Variants in CAMK1D observed in about 807,000 individuals in gnomAD.
The protein encoded by CAMK1D is calcium/calmodulin dependent protein kinase ID, also known as calcium/calmodulin-dependent protein kinase type 1D.
A neutral mutation model predicts 47.7 loss-of-function variants in CAMK1D; 9 were observed. The observed-to-expected ratio is 0.19, with a 90% confidence interval of 0.11 to 0.33. The LOEUF (loss-of-function observed/expected upper bound fraction) is 0.33, where lower values mean the gene tolerates loss of function less well. CAMK1D is among the 10% of genes least tolerant of loss of function. CAMK1D has a pLI of 1.00. For missense variants in CAMK1D, 291 were observed against 488.7 expected (o/e 0.60, Z 3.81); for synonymous variants, 184 against 184.9 (o/e 0.99, Z 0.04).
At position 12,782,093 on chromosome 10, in the gene CAMK1D, G is replaced by T. The variant is rs111353167; in HGVS notation, c.566-9065G>T. On this transcript the variant is annotated intron_variant, in intron 5 of 10. Coordinates refer to ENST00000619168, the MANE Select transcript of CAMK1D (RefSeq NM_153498.4). ...AGAAGGAGGCTATCCCAACAGAAAA[G>T]ATCAGAGCTGTCCCAAAAGCCTTCT... Among the ~76,000 whole-genome samples, 978 of 149,568 alleles carry T rather than the reference G, an allele frequency of 6.5e-3. 4 individuals carry two copies. Among genetic ancestry groups the T allele is most frequent in the Middle Eastern group, 0.034 (10 of 292 alleles).
chr10:12,581,409 T>A (rs902332505), intron 2 of CAMK1D, among the ~76,000 whole-genome samples: 1 of 152,202 alleles, frequency 6.6e-6, no homozygotes, highest in Non-Finnish European at 1.5e-5. Flanking sequence ...TATCCAGTAG[T>A]GGGATTGCTG....
intron 1 of CAMK1D, among the ~76,000 whole-genome samples, chr10:12,400,205 C>T (rs558375353): frequency 5.9e-5 from 9 of 152,238 alleles, no homozygotes; most frequent in African/African-American, 2.2e-4. Context: ...GAGTGGCAAG[C>T]ATTTAATTTT....
intron 2 of CAMK1D, among the ~76,000 whole-genome samples, chr10:12,593,943 G>A (rs990540094): frequency 2.0e-5 from 3 of 152,104 alleles, no homozygotes; most frequent in South Asian, 2.1e-4. Context: ...TTGGGAGGCC[G>A]AGGTGGGTGG....
intron 1 of CAMK1D, among the ~76,000 whole-genome samples, chr10:12,547,388 C>T (rs758602754): frequency 1.1e-4 from 17 of 152,256 alleles, no homozygotes; most frequent in South Asian, 2.1e-4. Flanking sequence ...TGTGCCCAGA[C>T]GACAGTTTCA....
At chr10:12,740,623 G>A (rs1835386839) in intron 3 of CAMK1D, among the ~76,000 whole-genome samples, 1 of 152,040 alleles carries the variant, frequency 6.6e-6, no homozygotes, top group Non-Finnish European at 1.5e-5. Context: ...AAAAGAAACT[G>A]GGAGATGGAG....
chr10:12,697,348 G>A (rs1190908479), intron 3 of CAMK1D, among the ~76,000 whole-genome samples: 1 of 152,172 alleles, frequency 6.6e-6, no homozygotes, highest in Non-Finnish European at 1.5e-5. Flanking sequence ...ATGGAGAATA[G>A]GAGACTAGAT....
At chr10:12,660,037 A>C (rs1408335703) in intron 2 of CAMK1D, among the ~76,000 whole-genome samples, 2 of 151,996 alleles carry the variant, frequency 1.3e-5, no homozygotes, top group Non-Finnish European at 2.9e-5. Flanking sequence ...TTCCGATTGT[A>C]TTTTCTTACA....
chr10:12,657,490 C>G (rs911807680), intron 2 of CAMK1D, among the ~76,000 whole-genome samples: 3 of 150,396 alleles, frequency 2.0e-5, no homozygotes, highest in Non-Finnish European at 3.0e-5. Context: ...GGCAATACAA[C>G]AGTTTAGCAA....
chr10:12,361,418 T>G (rs1367025648), intron 1 of CAMK1D, among the ~76,000 whole-genome samples: 4 of 151,890 alleles, frequency 2.6e-5, no homozygotes, highest in African/African-American at 9.7e-5. Flanking sequence ...AGCTAATTTT[T>G]GTACTTTTAG....
rs189667957 is a variant in CAMK1D, at chr10:12,709,918, G to A, written c.299+43108G>A. 9.2e-5 allele frequency among the ~76,000 whole-genome samples: 14 copies of A among 152,252 alleles called. 1 individual carries two copies. In the East Asian group the frequency reaches 2.3e-3, roughly 25 times the overall value. ...GCCAGTAGGAAGGGAATTGAAGGAC[G>A]CAGAGTCGATGCCTGCAGTTTCTTG... On this transcript the variant is annotated intron_variant, in intron 3 of 10. Coordinates refer to ENST00000619168, the MANE Select transcript of CAMK1D (RefSeq NM_153498.4).
intron 1 of CAMK1D, among the ~76,000 whole-genome samples, chr10:12,548,206 G>T (rs1836459543): frequency 1.3e-5 from 2 of 152,166 alleles, no homozygotes; most frequent in African/African-American, 4.8e-5. Context: ...GTCGCTGTAA[G>T]GAGTGGATTC....
chr10:12,630,235 C>T (rs1173100075), intron 2 of CAMK1D, among the ~76,000 whole-genome samples: 3 of 152,166 alleles, frequency 2.0e-5, no homozygotes, highest in Non-Finnish European at 4.4e-5. Context: ...CATCTTCTCC[C>T]TAGTGAGCGC....
intron 1 of CAMK1D, among the ~76,000 whole-genome samples, chr10:12,399,705 C>G (rs1318841280): frequency 1.3e-5 from 2 of 152,162 alleles, no homozygotes; most frequent in East Asian, 3.8e-4. Context: ...GCAAATTCAC[C>G]TATTCACTAA....
intron 1 of CAMK1D, among the ~76,000 whole-genome samples, chr10:12,456,783 A>AAAAAAAAAAAT (rs1331288602): frequency 6.6e-6 from 1 of 151,350 alleles, no homozygotes; most frequent in Non-Finnish European, 1.5e-5. Context: ...AAAAAAAAAA[A>AAAAAAAAAAAT]AAAAAATCTC....
intron 1 of CAMK1D, among the ~76,000 whole-genome samples, chr10:12,431,500 G>A (rs1271037135): frequency 6.6e-6 from 1 of 152,212 alleles, no homozygotes; most frequent in African/African-American, 2.4e-5. Flanking sequence ...GCACTCCCGA[G>A]AGGTAGATGC....
At chr10:12,624,175 C>T (rs116091065) in intron 2 of CAMK1D, among the ~76,000 whole-genome samples, 56 of 152,194 alleles carry the variant, frequency 3.7e-4, no homozygotes, top group African/African-American at 1.2e-3. Flanking sequence ...GCATTTTGAT[C>T]TGTATCATGA....
chr10:12,800,653 A>G (rs895052356), intron 6 of CAMK1D, among the ~76,000 whole-genome samples: 2 of 152,220 alleles, frequency 1.3e-5, no homozygotes, highest in South Asian at 2.1e-4. Context: ...GGTCATTTTT[A>G]TGGCACCTTG....
intron 5 of CAMK1D, among the ~76,000 whole-genome samples, chr10:12,777,241 G>A (rs189866942): frequency 6.6e-6 from 1 of 152,192 alleles, no homozygotes; most frequent in African/African-American, 2.4e-5. Context: ...AGTGGGTGAA[G>A]TAGAAAGAGT....
In CAMK1D at chr10:12,560,555, G is replaced by GA. The variant is rs1164348622; in HGVS notation, c.224+7216dup. 9.9e-4 allele frequency among the ~76,000 whole-genome samples: 104 copies of GA among 105,582 alleles called. 1 individual carries two copies. Among genetic ancestry groups the GA allele is most frequent in the East Asian group, 2.2e-3 (9 of 4,058 alleles). The allele number at this position is 105,582 out of a possible 152,430, so 69.3% of individuals were successfully genotyped here. A position where few individuals can be genotyped will look rare whatever the true frequency, so the allele number is the denominator to read the frequency against. On this transcript the variant is annotated intron_variant, in intron 2 of 10. Transcript: ENST00000619168. Reference sequence around the variant, plus strand: ...GCAACGAGAGGAAAACTCTATCTCGGAAAAAAAAAAAAAAAAAGAAGAAGA... The same window carrying GA: ...GCAACGAGAGGAAAACTCTATCTCGGAAAAAAAAAAAAAAAAAAGAAGAAGA...
Sources: allele counts gnomAD v4.1 joint callset (sites outside exome capture counted in the v4.1 genomes callset), GRCh38; gene constraint gnomAD v4.1.1; transcripts MANE v1.5; gene names NCBI Gene and HGNC (gene_info 2026-07-23, HGNC 2026-07-21).